Variants in ROBO2 observed in about 807,000 individuals in gnomAD.
The protein encoded by ROBO2 is roundabout guidance receptor 2, also known as roundabout homolog 2.
A neutral mutation model predicts 160.8 loss-of-function variants in ROBO2; 53 were observed. The ratio of observed to expected loss-of-function variants is 0.33; its 90% CI spans 0.26 to 0.41. ROBO2 has a LOEUF of 0.41. Among genes scored for constraint, ROBO2 ranks in the 10% least tolerant of loss-of-function variants. The pLI, the probability that ROBO2 is intolerant of heterozygous loss-of-function variation, is 1.00. For missense variants in ROBO2, 1,577 were observed against 1,722.4 expected (o/e 0.92, Z 1.49); for synonymous variants, 664 against 611.7 (o/e 1.09, Z -1.26).
At chr3:76,466,607 C>A (rs796212209) in intron 2 of ROBO2, among the ~76,000 whole-genome samples, 2 of 151,840 alleles carry the variant, frequency 1.3e-5, no homozygotes, top group Admixed American at 6.6e-5. Context: ...ATATTCCTTA[C>A]GATTTTTTCA....
At chr3:77,100,320 A>G (rs2071735453) in intron 2 of ROBO2, among the ~76,000 whole-genome samples, 1 of 152,162 alleles carries the variant, frequency 6.6e-6, no homozygotes, top group Admixed American at 6.5e-5. Flanking sequence ...TGCCATGTCA[A>G]CAGTTCATTC....
intron 2 of ROBO2, among the ~76,000 whole-genome samples, chr3:76,345,681 T>C (rs964478085): frequency 6.6e-6 from 1 of 151,996 alleles, no homozygotes; most frequent in Non-Finnish European, 1.5e-5. Context: ...AAAATTGTCC[T>C]GATATTAAAA....
chr3:75,983,833 A>G (rs2065342601), intron 2 of ROBO2, among the ~76,000 whole-genome samples: 1 of 151,166 alleles, frequency 6.6e-6, no homozygotes, highest in Non-Finnish European at 1.5e-5. Flanking sequence ...AACTATGAAA[A>G]CTCACTTGTC....
At chr3:77,625,494 C>T (rs1273014127) in intron 23 of ROBO2, among the ~76,000 whole-genome samples, 1 of 152,024 alleles carries the variant, frequency 6.6e-6, no homozygotes, top group Non-Finnish European at 1.5e-5. Context: ...TCTCGTGCCT[C>T]AGCCTCCTGA....
chr3:76,346,771 G>A (rs145099049), intron 2 of ROBO2, among the ~76,000 whole-genome samples: 64 of 152,210 alleles, frequency 4.2e-4, no homozygotes, highest in African/African-American at 1.5e-3. Context: ...TAAAAAATAT[G>A]AGCTTTCTCC....
chr3:76,962,577 G>A (rs2079748551), intron 2 of ROBO2, among the ~76,000 whole-genome samples: 1 of 150,566 alleles, frequency 6.6e-6, no homozygotes, highest in Non-Finnish European at 1.5e-5. Context: ...GGCGGAGGTT[G>A]TGGTGAGCCA....
intron 2 of ROBO2, among the ~76,000 whole-genome samples, chr3:77,222,095 C>T (rs550254800): frequency 1.3e-5 from 2 of 152,152 alleles, no homozygotes; most frequent in African/African-American, 4.8e-5. Flanking sequence ...TTGTGATCCA[C>T]CCACCTCGGC....
chr3:76,380,072 GC>G (rs1425421066), intron 2 of ROBO2, among the ~76,000 whole-genome samples: 1 of 151,888 alleles, frequency 6.6e-6, no homozygotes, highest in Non-Finnish European at 1.5e-5. Context: ...TAATGCATAT[GC>G]CATATCTAGG....
At chr3:76,392,395 T>C (rs989325526) in intron 2 of ROBO2, among the ~76,000 whole-genome samples, 2 of 152,178 alleles carry the variant, frequency 1.3e-5, no homozygotes, top group African/African-American at 4.8e-5. Context: ...CAGATACCTG[T>C]ACAAATTGTT....
chr3:76,056,038 G>A (rs773347473), intron 2 of ROBO2, among the ~76,000 whole-genome samples: 8 of 151,992 alleles, frequency 5.3e-5, no homozygotes, highest in Non-Finnish European at 1.2e-4. Flanking sequence ...TGCATCCATG[G>A]ATTCAACCAA....
At chr3:76,985,456 C>T (rs2060323616) in intron 2 of ROBO2, among the ~76,000 whole-genome samples, 1 of 151,184 alleles carries the variant, frequency 6.6e-6, no homozygotes, top group Non-Finnish European at 1.5e-5. Context: ...GTGGCAGGTG[C>T]CTGTAGTCCC....
chr3:76,386,074 A>T (rs1161545326), intron 2 of ROBO2, among the ~76,000 whole-genome samples: 7 of 152,174 alleles, frequency 4.6e-5, no homozygotes, highest in African/African-American at 1.7e-4. Flanking sequence ...AAATTGAAAT[A>T]CCAATTTTTA....
Position 77,607,894 on chromosome 3 carries a change from C to A in ROBO2, c.3233C>A (p.Pro1078Gln), listed in dbSNP as rs374166639. 1.0e-4 allele frequency: 164 copies of A among 1,613,994 alleles called. No individual in the cohort carries two copies. Among genetic ancestry groups the A allele is most frequent in the Admixed American group, 8.5e-4 (51 of 60,000 alleles). ...GCCAATGTCCCTCTACCTCCCCCCC[C>A]AGTCCAGCCCCTTCCTGGCACGGAG... Residue 1078 changes from proline to glutamine, a missense_variant, in exon 21 of 26, where the codon CCA (proline) becomes CAA (glutamine). Pro to Gln is a moderately conservative substitution (Grantham distance 76). Transcript: ENST00000461745.
chr3:76,229,962 G>C lies in ROBO2; in HGVS notation c.109+292360G>C, dbSNP rs1435764590. ...AATACTCATCTGTGCTGGCATCTCA[G>C]GGGCTCCAGCCTAAACTAACCTTAT... On this transcript the variant is annotated intron_variant, in intron 2 of 26. Coordinates refer to the ROBO2 transcript ENST00000487694. Among the ~76,000 whole-genome samples, 3 of 152,126 alleles carry C rather than the reference G, an allele frequency of 2.0e-5. 1 individual carries two copies. Among genetic ancestry groups the C allele is most frequent in the Non-Finnish European group, 4.4e-5 (3 of 68,020 alleles).
intron 2 of ROBO2, among the ~76,000 whole-genome samples, chr3:76,031,481 A>G (rs922955664): frequency 1.3e-5 from 2 of 152,188 alleles, no homozygotes; most frequent in Non-Finnish European, 2.9e-5. Flanking sequence ...CCCAGTCAGT[A>G]AGATATTGGC....
chr3:76,504,399 G>A (rs988852343), intron 2 of ROBO2, among the ~76,000 whole-genome samples: 8 of 151,992 alleles, frequency 5.3e-5, no homozygotes, highest in Admixed American at 3.3e-4. Flanking sequence ...TATGAGATCC[G>A]TCAGACTAAT....
At chr3:77,622,324 G>A in exon 23 of ROBO2, 4 of 1,614,200 alleles carry the variant, frequency 2.5e-6, no homozygotes, top group Non-Finnish European at 3.4e-6. Flanking sequence ...GGATGTTGCA[G>A]ATGATGATGC....
chr3:77,476,251 C>T (rs769139407), intron 2 of ROBO2, among the ~76,000 whole-genome samples: 5 of 152,104 alleles, frequency 3.3e-5, no homozygotes, highest in Non-Finnish European at 5.9e-5. Flanking sequence ...TTATAGGACA[C>T]GGAAGGCAGT....
At chr3:76,959,537 G>A (rs2079504225) in intron 2 of ROBO2, among the ~76,000 whole-genome samples, 1 of 152,136 alleles carries the variant, frequency 6.6e-6, no homozygotes, top group South Asian at 2.1e-4. Context: ...CAAATACAGT[G>A]TTCAAAGACA....
Sources: allele counts gnomAD v4.1 joint callset (sites outside exome capture counted in the v4.1 genomes callset), GRCh38; gene constraint gnomAD v4.1.1; transcripts MANE v1.5; gene names NCBI Gene and HGNC (gene_info 2026-07-23, HGNC 2026-07-21).